MEMO1: variants seen among roughly 807,000 people sequenced by gnomAD.
The protein encoded by MEMO1 is protein MEMO1.
Under a neutral mutation model 45.2 loss-of-function variants are expected in MEMO1, and 6 were observed. The ratio of observed to expected loss-of-function variants is 0.13; its 90% CI spans 0.07 to 0.26. The LOEUF (loss-of-function observed/expected upper bound fraction) is 0.26, where lower values mean the gene tolerates loss of function less well. MEMO1 is among the 10% of genes least tolerant of loss of function. MEMO1 has a pLI of 1.00. For missense variants in MEMO1, 184 were observed against 370.5 expected (o/e 0.50, Z 4.13); for synonymous variants, 78 against 124.3 (o/e 0.63, Z 2.48).
intron 2 of MEMO1, among the ~76,000 whole-genome samples, chr2:31,984,617 C>T (rs1245977097): frequency 2.6e-5 from 4 of 152,096 alleles, no homozygotes; most frequent in African/African-American, 4.8e-5. Context: ...CTGGCTAACA[C>T]GGTGAAACCC....
intron 3 of MEMO1, among the ~76,000 whole-genome samples, chr2:31,935,404 A>G (rs1403576810): frequency 1.3e-5 from 2 of 152,238 alleles, no homozygotes; most frequent in Non-Finnish European, 2.9e-5. Flanking sequence ...TACATGATTA[A>G]TAATGGAACT....
At chr2:31,871,162 A>T (rs959171860) in intron 8 of MEMO1, among the ~76,000 whole-genome samples, 1 of 152,196 alleles carries the variant, frequency 6.6e-6, no homozygotes. Context: ...TACACCAATT[A>T]TATTATTTTC....
chr2:31,980,716 G>A (rs1028185150), intron 2 of MEMO1, among the ~76,000 whole-genome samples: 1 of 151,934 alleles, frequency 6.6e-6, no homozygotes, highest in Non-Finnish European at 1.5e-5. Flanking sequence ...AGAACGTCAC[G>A]GCGTTTGGGA....
At chr2:31,878,625 C>A (rs1316932753) in intron 8 of MEMO1, among the ~76,000 whole-genome samples, 1 of 152,024 alleles carries the variant, frequency 6.6e-6, no homozygotes, top group African/African-American at 2.4e-5. Flanking sequence ...TGTTTGAGCA[C>A]GTGCTTCTGG....
chr2:31,921,251 C>T (rs573217437), intron 4 of MEMO1, among the ~76,000 whole-genome samples: 31 of 151,996 alleles, frequency 2.0e-4, no homozygotes, highest in Non-Finnish European at 4.6e-4. Flanking sequence ...CAGAAGGGGC[C>T]CAACCCTGAC....
intron 2 of MEMO1, among the ~76,000 whole-genome samples, chr2:32,002,122 G>A (rs1160925653): frequency 8.1e-6 from 1 of 123,066 alleles, no homozygotes; most frequent in Non-Finnish European, 1.6e-5. Context: ...TCCAGCCTGG[G>A]CAACACAGCG....
chr2:31,875,579 G>C (rs1674434584), intron 8 of MEMO1, among the ~76,000 whole-genome samples: 1 of 152,094 alleles, frequency 6.6e-6, no homozygotes. Flanking sequence ...TTTCTGAAAA[G>C]ATCTGACCTC....
Position 31,892,074 on chromosome 2 carries a change from T to G in MEMO1, c.498A>C (p.Glu166Asp). 6.2e-7 allele frequency: 1 copy of G among 1,612,954 alleles called. No individual in the cohort carries two copies. The change falls in exon 7 of 10, where the codon GAA (glutamate) becomes GAC (aspartate). Residue 166 changes from glutamate (E) to aspartate (D), a missense_variant. Glu to Asp is a conservative substitution (Grantham distance 45, BLOSUM62 2). This residue lies in a region of MEMO1 where 97 missense variants were observed against 209.3 expected (regional missense o/e 0.46). Coordinates refer to ENST00000404530, the MANE Select transcript of MEMO1 (RefSeq NM_001301833.4). ...TACTGAAGAGTTTTCCGAATTCCTG[T>G]TCTTTTGACTCACTCAGAGCTCCAA... ...VLVGALSESK[E>D]QEFGKLFSKY... is the part of the protein sequence containing the mutation.
intron 2 of MEMO1, among the ~76,000 whole-genome samples, chr2:31,969,735 A>G (rs1669156323): frequency 6.7e-6 from 1 of 149,744 alleles, no homozygotes; most frequent in South Asian, 2.1e-4. Flanking sequence ...TCAGCCTCCC[A>G]AGCACCTGGG....
intron 2 of MEMO1, among the ~76,000 whole-genome samples, chr2:31,953,157 A>G (rs1205602699): frequency 6.6e-6 from 1 of 152,066 alleles, no homozygotes; most frequent in Non-Finnish European, 1.5e-5. Flanking sequence ...TCATGAGGTC[A>G]GGAGTTCAAG....
chr2:31,970,577 A>T (rs1669267208), intron 2 of MEMO1, among the ~76,000 whole-genome samples: 1 of 152,068 alleles, frequency 6.6e-6, no homozygotes, highest in South Asian at 2.1e-4. Flanking sequence ...TTTTTTAACC[A>T]AACTGTATAG....
intron 4 of MEMO1, chr2:31,923,501 T>G: frequency 2.1e-6 from 2 of 947,300 alleles, no homozygotes; most frequent in Non-Finnish European, 2.9e-6. Context: ...AACTAAAAGA[T>G]AGCACTCTGG....
intron 2 of MEMO1, among the ~76,000 whole-genome samples, chr2:31,996,403 G>C (rs1808112): frequency 0.12 from 18,247 of 152,010 alleles, 1,177 homozygotes; most frequent in Middle Eastern, 0.2. Flanking sequence ...AAAATTAGCT[G>C]GGTGTGGTGG....
At chr2:31,887,324 A>G (rs1438258174) in intron 7 of MEMO1, among the ~76,000 whole-genome samples, 2 of 152,224 alleles carry the variant, frequency 1.3e-5, no homozygotes, top group Non-Finnish European at 2.9e-5. Flanking sequence ...TATGCACTGA[A>G]CTGCAAAAAT....
chr2:31,965,350 T>A (rs1035946428), intron 2 of MEMO1, among the ~76,000 whole-genome samples: 7 of 125,162 alleles, frequency 5.6e-5, no homozygotes, highest in African/African-American at 2.0e-4. Context: ...TGGTGAGTTC[T>A]GTGTCAAAGT....
At chr2:31,967,741 G>A (rs530959234) in intron 2 of MEMO1, among the ~76,000 whole-genome samples, 88 of 152,234 alleles carry the variant, frequency 5.8e-4, no homozygotes, top group South Asian at 3.5e-3. Context: ...CACCATGCCC[G>A]GCCTAATAAA....
At chr2:31,973,296 A>G (rs1483057520) in intron 2 of MEMO1, among the ~76,000 whole-genome samples, 2 of 152,252 alleles carry the variant, frequency 1.3e-5, no homozygotes, top group East Asian at 3.9e-4. Context: ...TCTACTAAAA[A>G]TACAAAAATT....
rs78054771 is a variant in MEMO1, at chr2:31,954,036, C to G, written c.62-10653G>C. ...CAAAAGTATTTTGACTTCTAAGATA[C>G]TTATTTGCTACTTGGGACACATATA... On this transcript the variant is annotated intron_variant, in intron 2 of 9. Coordinates refer to ENST00000404530, the MANE Select transcript of MEMO1 (RefSeq NM_001301833.4). Among the ~76,000 whole-genome samples the G allele has an allele frequency of 7.3e-3, 1,105 of 152,222 alleles. 16 individuals are homozygous for G. Among genetic ancestry groups the G allele is most frequent in the African/African-American group, 0.025 (1,035 of 41,532 alleles).
rs541460478 is a variant in MEMO1, at chr2:32,000,462, C to T, written c.61+9725G>A. The stretch of plus-strand genomic sequence containing the variant: ...AGCCAGGATGGTCTCGATCTCCTGA[C>T]CTCGTGATCCGCCCGCCTCGGCCTC... On this transcript the variant is annotated intron_variant, in intron 2 of 9. Transcript: ENST00000404530. Among the ~76,000 whole-genome samples, 70 of 151,916 alleles carry T rather than the reference C, an allele frequency of 4.6e-4. No homozygotes were observed. The South Asian group carries it at 0.011, about 24-fold the overall frequency.
Sources: gnomAD v4.1 joint callset for allele counts (sites outside exome capture counted in the v4.1 genomes callset) on GRCh38, gnomAD v4.1.1 for gene constraint, gnomAD v4.1.1 regional missense constraint, MANE v1.5 for transcripts, NCBI Gene and HGNC (gene_info 2026-07-23, HGNC 2026-07-21) for gene names.